Variants in SERGEF observed in about 807,000 individuals in gnomAD.
SERGEF encodes the protein secretion regulating guanine nucleotide exchange factor, also known as secretion-regulating guanine nucleotide exchange factor.
Under a neutral mutation model 50.0 loss-of-function variants are expected in SERGEF, and 51 were observed. That is an observed-to-expected ratio of 1.02 (90% CI 0.81 to 1.29). The LOEUF is 1.29. Among genes scored for constraint, SERGEF ranks in the 50% most tolerant of loss-of-function variants. The pLI is 0.00. For synonymous variants in SERGEF, 205 were observed against 212.4 expected, an observed-to-expected ratio of 0.97 and a Z score of 0.30; for missense variants, 521 against 557.0, an observed-to-expected ratio of 0.94 and a Z score of 0.65.
chr11:17,819,957 C>A (rs1850046869), intron 10 of SERGEF, among the ~76,000 whole-genome samples: 1 of 152,164 alleles, frequency 6.6e-6, no homozygotes. Context: ...TCCCCGACAG[C>A]CTCCAGGGGA....
At chr11:17,865,622 AAAT>A (rs754058539) in intron 10 of SERGEF, among the ~76,000 whole-genome samples, 4 of 152,034 alleles carry the variant, frequency 2.6e-5, no homozygotes, top group Admixed American at 6.5e-5. Context: ...TTAAAAAGCA[AAAT>A]AATAATAATA....
At chr11:17,972,962 T>C (rs1376991951) in intron 8 of SERGEF, among the ~76,000 whole-genome samples, 2 of 151,984 alleles carry the variant, frequency 1.3e-5, no homozygotes, top group Non-Finnish European at 2.9e-5. Flanking sequence ...TTTTTGTCCG[T>C]TGCAAAATCA....
chr11:17,874,703 C>A (rs1245813464), intron 10 of SERGEF, among the ~76,000 whole-genome samples: 1 of 152,188 alleles, frequency 6.6e-6, no homozygotes, highest in Non-Finnish European at 1.5e-5. Context: ...TAGCAGAATC[C>A]TGTCCTTGAA....
intron 10 of SERGEF, among the ~76,000 whole-genome samples, chr11:17,830,517 G>A (rs1850274011): frequency 6.6e-6 from 1 of 151,374 alleles, no homozygotes; most frequent in South Asian, 2.1e-4. Flanking sequence ...TCGTAACATG[G>A]TAGATGGCAA....
intron 9 of SERGEF, among the ~76,000 whole-genome samples, chr11:17,893,850 A>G (rs1314616263): frequency 6.6e-6 from 1 of 152,206 alleles, no homozygotes; most frequent in Non-Finnish European, 1.5e-5. Context: ...CAAGAAAACC[A>G]CAGGCACATA....
intron 9 of SERGEF, among the ~76,000 whole-genome samples, chr11:17,913,792 GTTGTACAGGC>G (rs1228651015): frequency 6.6e-6 from 1 of 152,048 alleles, no homozygotes; most frequent in African/African-American, 2.4e-5. Context: ...ACACAGCCTG[GTTGTACAGGC>G]TCTACTGCAG....
chr11:17,925,034 G>A (rs752014066), intron 9 of SERGEF, among the ~76,000 whole-genome samples: 3 of 152,066 alleles, frequency 2.0e-5, no homozygotes, highest in Non-Finnish European at 1.5e-5. Flanking sequence ...GAGTTCCACC[G>A]ACAAAATCTT....
At chr11:17,872,260 C>T (rs1336224498) in intron 10 of SERGEF, among the ~76,000 whole-genome samples, 1 of 149,954 alleles carries the variant, frequency 6.7e-6, no homozygotes, top group South Asian at 2.1e-4. Flanking sequence ...TTCCAGGGTG[C>T]TGGAAATGTT....
intron 1 of SERGEF, among the ~76,000 whole-genome samples, chr11:18,009,375 G>A (rs1454033820): frequency 6.6e-6 from 1 of 152,140 alleles, no homozygotes; most frequent in African/African-American, 2.4e-5. Context: ...CTGCCTTTTG[G>A]AGACAGCACA....
chr11:17,896,721 G>T (rs1485215954), intron 9 of SERGEF, among the ~76,000 whole-genome samples: 2 of 129,532 alleles, frequency 1.5e-5, no homozygotes, highest in Admixed American at 7.4e-5. Flanking sequence ...TAAGGGAAGG[G>T]TAACGGAAGG....
rs944973724 is a variant in SERGEF at position 17,884,973 on chromosome 11, C to T, written c.1012-6729G>A. On this transcript the variant is annotated intron_variant, in intron 9 of 10. Transcript: ENST00000265965. The surrounding 1 kb of genome is among the most constrained non-coding windows in gnomAD (Gnocchi z 4.6). ...TCCCTACATAGCAGGCCAGCAAACCCGCTCAGAGCAGTTAAGTCACTGGTC... is the reference window on the plus strand; with the variant it reads ...TCCCTACATAGCAGGCCAGCAAACCTGCTCAGAGCAGTTAAGTCACTGGTC... Among the ~76,000 whole-genome samples, 1 of 152,138 alleles carries T rather than the reference C, an allele frequency of 6.6e-6. No homozygotes were observed. The highest frequency in any genetic ancestry group is 2.4e-5 in the African/African-American group (1 of 41,446).
chr11:17,930,500 A>G (rs1852332100), intron 9 of SERGEF, among the ~76,000 whole-genome samples: 1 of 152,198 alleles, frequency 6.6e-6, no homozygotes, highest in Non-Finnish European at 1.5e-5. Context: ...GGAGGATCCA[A>G]TGGCTGCAGC....
intron 9 of SERGEF, among the ~76,000 whole-genome samples, chr11:17,928,100 C>A (rs1342239066): frequency 6.6e-6 from 1 of 152,206 alleles, no homozygotes; most frequent in Non-Finnish European, 1.5e-5. Flanking sequence ...GGAAGTCTAA[C>A]CATGAACCAA....
chr11:17,866,727 C>T (rs905118247), intron 10 of SERGEF: 7 of 152,144 alleles, frequency 4.6e-5, no homozygotes, highest in African/African-American at 1.7e-4. Context: ...TCTGTTTTAA[C>T]ACTGTTAATA....
intron 10 of SERGEF, among the ~76,000 whole-genome samples, chr11:17,820,148 TTTTCCTTTAAGTGCTA>T (rs1200384225): frequency 6.6e-6 from 1 of 152,100 alleles, no homozygotes; most frequent in Admixed American, 6.5e-5. Context: ...CTGGCCCTAC[TTTTCCTTTAAGTGCTA>T]TTTCCCTCAT....
At chr11:17,823,675 G>C (rs1351382509) in intron 10 of SERGEF, among the ~76,000 whole-genome samples, 1 of 152,126 alleles carries the variant, frequency 6.6e-6, no homozygotes, top group African/African-American at 2.4e-5. Flanking sequence ...CTGTAGGTGA[G>C]AGCCATCTCC....
chr11:17,791,819 C>T (rs745803913), intron 10 of SERGEF, among the ~76,000 whole-genome samples: 13 of 152,210 alleles, frequency 8.5e-5, no homozygotes, highest in Non-Finnish European at 1.5e-4. Flanking sequence ...CTCAGAATGG[C>T]GCCTGGCACA....
At chr11:18,003,455 A>C (rs890603966) in intron 4 of SERGEF, among the ~76,000 whole-genome samples, 5 of 152,246 alleles carry the variant, frequency 3.3e-5, no homozygotes, top group African/African-American at 1.2e-4. Flanking sequence ...ATGTGATTAC[A>C]CTAAACTGAG....
At chr11:17,935,014 G>C (rs1020419468) in intron 9 of SERGEF, among the ~76,000 whole-genome samples, 1 of 152,012 alleles carries the variant, frequency 6.6e-6, no homozygotes, top group Non-Finnish European at 1.5e-5. Context: ...TGTGCCTCAG[G>C]AGCCACCACA....
Sources: gnomAD v4.1 joint callset for allele counts (sites outside exome capture counted in the v4.1 genomes callset) on GRCh38, gnomAD v4.1.1 for gene constraint, Gnocchi (gnomAD v3.1) non-coding constraint, MANE v1.5 for transcripts, NCBI Gene and HGNC (gene_info 2026-07-23, HGNC 2026-07-21) for gene names.